Variants in ABCC4 observed in about 807,000 individuals in gnomAD.
The protein encoded by ABCC4 is ATP binding cassette subfamily C member 4 (PEL blood group).
Under a neutral mutation model 168.5 loss-of-function variants are expected in ABCC4, and 102 were observed. That is an observed-to-expected ratio of 0.61 (90% CI 0.52 to 0.71). The LOEUF is 0.71. Ranked by LOEUF, ABCC4 falls within the 30% of genes least tolerant of loss-of-function variation. The pLI is 0.00. For synonymous variants in ABCC4, 617 were observed against 590.7 expected (o/e 1.04, Z -0.65); for missense variants, 1,402 against 1,605.8 (o/e 0.87, Z 2.17).
In ABCC4 at chr13:95,222,817, A is replaced by T. The variant is rs566135155; in HGVS notation, c.531+11793T>A. On this transcript the variant is annotated intron_variant, in intron 4 of 30. Transcript: ENST00000645237. ...ACAGGGCAATTTTGCCTCCCAGGAGAGATGTGGCAACGACTGGAGGCACTA... is the reference window on the plus strand; with the variant it reads ...ACAGGGCAATTTTGCCTCCCAGGAGTGATGTGGCAACGACTGGAGGCACTA... 2.0e-5 allele frequency among the ~76,000 whole-genome samples: 3 copies of T among 152,250 alleles called. No homozygotes were observed. The East Asian group carries it at 5.8e-4, about 29-fold the overall frequency.
At chr13:95,056,660 A>G (rs1594020844) in intron 26 of ABCC4, among the ~76,000 whole-genome samples, 2 of 152,142 alleles carry the variant, frequency 1.3e-5, no homozygotes, top group East Asian at 3.9e-4. Context: ...AAAAAAAAAA[A>G]AAAGGAAAGA....
chr13:95,113,633 AT>A (rs1387833329), intron 20 of ABCC4, among the ~76,000 whole-genome samples: 5 of 151,864 alleles, frequency 3.3e-5, no homozygotes, highest in Non-Finnish European at 5.9e-5. Flanking sequence ...GGTTAAATGC[AT>A]TTTTTTGGGT....
Position 95,073,250 on chromosome 13 carries a change from C to G in ABCC4, c.2972G>C (p.Gly991Ala). 6.2e-7 allele frequency: 1 copy of G among 1,613,894 alleles called. No homozygotes were observed. Among genetic ancestry groups the G allele is most frequent in the African/African-American group, 1.3e-5 (1 of 75,014 alleles). ...TTGTCGAACACACCACTGAAACATC[C>G]CCATGAGCGTGAGGGCATAGGACAG... The part of the protein sequence containing the change: ...LALSYALTLM[G>A]MFQWCVRQSA... The change falls in exon 24 of 31, where the codon GGG (glycine) becomes GCG (alanine). Residue 991 changes from glycine (G) to alanine (A), a missense_variant. Gly to Ala is a moderately conservative substitution (Grantham distance 60). Transcript: ENST00000645237.
chr13:95,089,345 C>A (rs956643385), intron 20 of ABCC4, among the ~76,000 whole-genome samples: 2 of 152,168 alleles, frequency 1.3e-5, no homozygotes, highest in African/African-American at 4.8e-5. Context: ...TAAGTCCGGG[C>A]CCGGTGACTC....
chr13:95,284,558 G>A (rs190106130), intron 1 of ABCC4, among the ~76,000 whole-genome samples: 1 of 152,316 alleles, frequency 6.6e-6, no homozygotes, highest in East Asian at 1.9e-4. Context: ...ACTGCCCACA[G>A]GGAACTGACA....
chr13:95,038,982 G>A (rs532906792), intron 29 of ABCC4, among the ~76,000 whole-genome samples: 16 of 152,266 alleles, frequency 1.1e-4, no homozygotes, highest in African/African-American at 3.9e-4. Context: ...GCAGGAATGA[G>A]GGCAGAGGCT....
chr13:95,143,434 G>A (rs1399527418), intron 19 of ABCC4, among the ~76,000 whole-genome samples: 1 of 152,204 alleles, frequency 6.6e-6, no homozygotes, highest in Non-Finnish European at 1.5e-5. Flanking sequence ...TAAAATTTAT[G>A]AGAATGACCA....
intron 8 of ABCC4, among the ~76,000 whole-genome samples, chr13:95,205,725 G>A (rs530598449): frequency 6.6e-6 from 1 of 152,310 alleles, no homozygotes; most frequent in South Asian, 2.1e-4. Context: ...GTGTTAAGAG[G>A]TGGGGCCTCT....
intron 26 of ABCC4, among the ~76,000 whole-genome samples, chr13:95,061,245 T>G (rs1191398311): frequency 6.6e-6 from 1 of 152,178 alleles, no homozygotes; most frequent in Admixed American, 6.5e-5. Context: ...GAAGTGGAAC[T>G]GCTGGATCAC....
At chr13:95,083,076 GTAATTTATGGCATAA>G in intron 21 of ABCC4, 49 bp downstream of exon 21, 1 of 1,550,294 alleles carries the variant, frequency 6.5e-7, no homozygotes, top group Non-Finnish European at 8.7e-7. Flanking sequence ...GGGGGTCTCT[GTAATTTATGGCATAA>G]ATGGAAACTA....
At position 95,074,274 on chromosome 13, in the gene ABCC4, C is replaced by G. The variant is rs942872664; in HGVS notation, c.2857G>C (p.Asp953His). Reference protein sequence around the residue: ...TTSRWFAVRLDAICAMFVIIV... With the variant: ...TTSRWFAVRLHAICAMFVIIV... ...ATGACAAACATGGCACAGATGGCAT[C>G]CAGACGGACGGCAAACCAGCGGGAC... The change falls in exon 23 of 31, where the codon GAT becomes CAT. Residue 953 changes from aspartate (D) to histidine (H), a missense_variant. Asp to His is a moderately conservative substitution (Grantham distance 81, BLOSUM62 -1). Transcript: ENST00000645237. 6.2e-7 allele frequency: 1 copy of G among 1,613,872 alleles called. No individual in the cohort carries two copies. The highest frequency in any genetic ancestry group is 8.5e-7 in the Non-Finnish European group (1 of 1,179,972).
chr13:95,161,721 A>T (rs2139544639), intron 18 of ABCC4: 2 of 153,696 alleles, frequency 1.3e-5, no homozygotes, highest in African/African-American at 4.8e-5. Context: ...GTATGTTTTG[A>T]TACCAACATG....
At chr13:95,034,363 C>T (rs1392472267) in intron 30 of ABCC4, among the ~76,000 whole-genome samples, 2 of 152,244 alleles carry the variant, frequency 1.3e-5, no homozygotes, top group Non-Finnish European at 2.9e-5. Flanking sequence ...GCTTCTTGGG[C>T]ACACGGCATG....
At chr13:95,231,080 T>G (rs1395050669) in intron 4 of ABCC4, among the ~76,000 whole-genome samples, 9 of 152,096 alleles carry the variant, frequency 5.9e-5, no homozygotes, top group African/African-American at 2.2e-4. Context: ...CCTAGAGTCA[T>G]CAAATTCATA....
At chr13:95,191,937 G>T (rs897832808) in intron 9 of ABCC4, among the ~76,000 whole-genome samples, 1 of 152,242 alleles carries the variant, frequency 6.6e-6, no homozygotes, top group Non-Finnish European at 1.5e-5. Context: ...CAGCCAGAAG[G>T]GGGCAGCACT....
rs1283006114 is a variant in ABCC4, at chr13:95,064,256, GTGTGTATATATATATA to G, written c.3211-1413_3211-1398del. ...CATAGGTACATCCGGGTGTGTGTGT[GTGTGTATATATATATA>G]TATATATATATATATATATATATAT... On this transcript the variant is annotated intron_variant, in intron 25 of 30. Transcript: ENST00000645237. Among the ~76,000 whole-genome samples the G allele has an allele frequency of 5.0e-3, 76 of 15,158 alleles. 3 individuals carry two copies. The highest frequency in any genetic ancestry group is 9.2e-3 in the African/African-American group (75 of 8,192). 9.9% of individuals were successfully genotyped at this position (15,158 alleles called of 152,430 possible).
intron 4 of ABCC4, among the ~76,000 whole-genome samples, chr13:95,213,433 G>A (rs141379753): frequency 2.3e-4 from 35 of 152,350 alleles, no homozygotes; most frequent in Admixed American, 1.5e-3. Flanking sequence ...TGGAATTTGT[G>A]AGCCTGAGTA....
At chr13:95,064,969 C>T (rs1309953556) in intron 25 of ABCC4, among the ~76,000 whole-genome samples, 1 of 152,184 alleles carries the variant, frequency 6.6e-6, no homozygotes, top group Admixed American at 6.6e-5. Flanking sequence ...TTACAATTGA[C>T]CCTTTTTGTT....
intron 1 of ABCC4, among the ~76,000 whole-genome samples, chr13:95,284,509 G>A (rs1209971683): frequency 2.6e-5 from 4 of 152,178 alleles, no homozygotes; most frequent in Non-Finnish European, 5.9e-5. Context: ...CTTTGTGCCA[G>A]GACTAGGTCA....
Sources: gnomAD v4.1 joint callset for allele counts (sites outside exome capture counted in the v4.1 genomes callset) on GRCh38, gnomAD v4.1.1 for gene constraint, MANE v1.5 for transcripts, NCBI Gene and HGNC (gene_info 2026-07-23, HGNC 2026-07-21) for gene names.